Variants in RIPOR2 observed in about 807,000 individuals in gnomAD.
RIPOR2 encodes the protein RHO family interacting cell polarization regulator 2.
A neutral mutation model predicts 114.5 loss-of-function variants in RIPOR2; 39 were observed. That is an observed-to-expected ratio of 0.34 (90% CI 0.26 to 0.44). The LOEUF is 0.44. Among genes scored for constraint, RIPOR2 ranks in the 20% least tolerant of loss-of-function variants. The pLI is 1.00. For synonymous variants in RIPOR2, 445 were observed against 484.4 expected, an observed-to-expected ratio of 0.92 and a Z score of 1.07; for missense variants, 1,007 against 1,255.1, an observed-to-expected ratio of 0.80 and a Z score of 2.99.
chr6:24,838,574 C>T (rs983160462), intron 14 of RIPOR2, among the ~76,000 whole-genome samples: 2 of 152,028 alleles, frequency 1.3e-5, no homozygotes, highest in Non-Finnish European at 2.9e-5. Context: ...GGTGGATCAC[C>T]TGAGGTCAGG....
chr6:24,908,783 G>C (rs1452616554), intron 1 of RIPOR2, among the ~76,000 whole-genome samples: 1 of 152,140 alleles, frequency 6.6e-6, no homozygotes, highest in Non-Finnish European at 1.5e-5. Flanking sequence ...AACCTTGGGT[G>C]GGTCCCTTCT....
At chr6:24,837,157 C>CT (rs1370308075) in intron 14 of RIPOR2, among the ~76,000 whole-genome samples, 1 of 152,172 alleles carries the variant, frequency 6.6e-6, no homozygotes, top group African/African-American at 2.4e-5. Flanking sequence ...GAGTCTCGCA[C>CT]TGCCACCCAG....
At position 24,849,871 on chromosome 6, in the gene RIPOR2, C is replaced by A. The variant is rs745837159; in HGVS notation, c.965G>T (p.Arg322Leu). 1.2e-6 allele frequency: 2 copies of A among 1,613,766 alleles called. No homozygotes were observed. The highest frequency in any genetic ancestry group is 1.7e-5 in the Admixed American group (1 of 60,010). The change falls in exon 11 of 22, where the codon CGA (arginine) becomes CTA (leucine). Residue 322 changes from arginine to leucine, a missense_variant. Coordinates refer to ENST00000643898, the MANE Select transcript of RIPOR2 (RefSeq NM_001286445.3). Reference sequence around the variant, plus strand: ...GATGTCGACAGCCACTACCTGAGGTCGGGCTGCAAACAGCTCTTTGGTCTC... The same window carrying A: ...GATGTCGACAGCCACTACCTGAGGTAGGGCTGCAAACAGCTCTTTGGTCTC... The part of the protein sequence containing the change: ...TCETKELFAA[R>L]PQVVAVDIND...
intron 1 of RIPOR2, among the ~76,000 whole-genome samples, chr6:24,977,741 CT>C (rs1456614122): frequency 6.6e-6 from 1 of 152,114 alleles, no homozygotes. Flanking sequence ...AAACATCTGG[CT>C]CTTGAAATCC....
At position 24,973,008 on chromosome 6, in the gene RIPOR2, G is replaced by C. The variant is rs868134290; in HGVS notation, c.76+68843C>G. On this transcript the variant is annotated intron_variant, in intron 1 of 13. Transcript: ENST00000510784. ...TGCTGAGGGACATACGTGCATCCCA[G>C]CTCTTTTAATTATCTATGGCACAAA... Among the ~76,000 whole-genome samples the C allele has an allele frequency of 2.0e-5, 3 of 152,082 alleles. No homozygotes were observed. The South Asian group carries it at 6.2e-4, about 32-fold the overall frequency.
At chr6:24,975,118 C>T (rs1327151845) in intron 1 of RIPOR2, among the ~76,000 whole-genome samples, 2 of 152,166 alleles carry the variant, frequency 1.3e-5, no homozygotes, top group African/African-American at 4.8e-5. Context: ...TTGAATTATA[C>T]ACTTTAAATT....
intron 19 of RIPOR2, among the ~76,000 whole-genome samples, chr6:24,819,672 T>TTTTTTTTTTG (rs1759501191): frequency 6.9e-6 from 1 of 144,284 alleles, no homozygotes; most frequent in African/African-American, 2.5e-5. Flanking sequence ...ATTTTTTTTT[T>TTTTTTTTTTG]TTTTTTTTTT....
Position 24,955,698 on chromosome 6 carries a change from C to CAAA in RIPOR2, c.77-79884_77-79882dup, listed in dbSNP as rs34104173. 1.6e-4 allele frequency among the ~76,000 whole-genome samples: 21 copies of CAAA among 134,916 alleles called. No homozygotes were observed. In the East Asian group the frequency reaches 3.7e-3, roughly 24 times the overall value. The allele number at this position is 134,916 out of a possible 152,430, so 88.5% of individuals were successfully genotyped here. A position where few individuals can be genotyped will look rare whatever the true frequency, so the allele number is the denominator to read the frequency against. ...CCGTCTAAGGTCCATGCTGCTCCTT[C>CAAA]AAAAAAAAAAAAAAAAAAATTACAA... On this transcript the variant is annotated intron_variant, in intron 1 of 13. Coordinates refer to the RIPOR2 transcript ENST00000510784.
chr6:24,984,798 C>T (rs1419463592), intron 1 of RIPOR2, among the ~76,000 whole-genome samples: 1 of 152,162 alleles, frequency 6.6e-6, no homozygotes, highest in Non-Finnish European at 1.5e-5. Context: ...CAAGAACTGA[C>T]AGGACATGTT....
intron 19 of RIPOR2, among the ~76,000 whole-genome samples, chr6:24,821,821 A>G (rs1759726546): frequency 6.6e-6 from 1 of 152,232 alleles, no homozygotes; most frequent in Non-Finnish European, 1.5e-5. Context: ...CCAGAGGTGG[A>G]TATACACCAA....
chr6:25,018,407 T>C (rs560318766), intron 1 of RIPOR2, among the ~76,000 whole-genome samples: 11 of 152,370 alleles, frequency 7.2e-5, no homozygotes, highest in Non-Finnish European at 8.8e-5. Context: ...CATTGAATAC[T>C]ATTAGATTTC....
intron 1 of RIPOR2, among the ~76,000 whole-genome samples, chr6:24,881,420 G>C (rs948388800): frequency 4.6e-5 from 7 of 152,094 alleles, no homozygotes; most frequent in African/African-American, 1.7e-4. Flanking sequence ...GTCATACCAG[G>C]TTGCCACCCG....
chr6:24,973,957 A>G (rs555238061), intron 1 of RIPOR2, among the ~76,000 whole-genome samples: 3 of 152,198 alleles, frequency 2.0e-5, no homozygotes, highest in East Asian at 1.9e-4. Flanking sequence ...GACGGAGAGA[A>G]GGAGAGGGAT....
rs571478466 is a variant in RIPOR2 at position 25,008,826 on chromosome 6, C to T, written c.76+33025G>A. On this transcript the variant is annotated intron_variant, in intron 1 of 13. Transcript: ENST00000510784. ...ATGATGGCTCTGGAGGAGCCATTGG[C>T]ATTTGTGGGTCTCCTTCCATTCCCT... 9.6e-4 allele frequency among the ~76,000 whole-genome samples: 146 copies of T among 152,314 alleles called. 1 individual carries two copies. The highest frequency in any genetic ancestry group is 3.1e-3 in the African/African-American group (129 of 41,546).
At chr6:24,951,629 C>A (rs1343019313) in intron 1 of RIPOR2, among the ~76,000 whole-genome samples, 1 of 152,116 alleles carries the variant, frequency 6.6e-6, no homozygotes, top group Non-Finnish European at 1.5e-5. Context: ...TGTTTACATG[C>A]GCTAAAAGAA....
chr6:24,855,812 T>C (rs1763413097), intron 8 of RIPOR2, among the ~76,000 whole-genome samples: 1 of 152,096 alleles, frequency 6.6e-6, no homozygotes, highest in Non-Finnish European at 1.5e-5. Flanking sequence ...GGCAGTAGGA[T>C]CACTTGAGCC....
intron 1 of RIPOR2, among the ~76,000 whole-genome samples, chr6:24,891,549 T>C (rs919288788): frequency 6.6e-6 from 1 of 151,858 alleles, no homozygotes; most frequent in Non-Finnish European, 1.5e-5. Context: ...TATCTTTAAG[T>C]ACAATATAGC....
upstream of RIPOR2, among the ~76,000 whole-genome samples, chr6:24,939,449 C>T (rs368914732): frequency 1.3e-5 from 2 of 152,180 alleles, no homozygotes; most frequent in East Asian, 1.9e-4. Flanking sequence ...GACCATGAGG[C>T]TTAGTCACCC....
intron 20 of RIPOR2, among the ~76,000 whole-genome samples, chr6:24,811,400 ATTT>A (rs1169680457): frequency 7.8e-6 from 1 of 128,564 alleles, no homozygotes; most frequent in South Asian, 2.5e-4. Flanking sequence ...TGCCTGGCTA[ATTT>A]TTTTTGTATT....
Sources: allele counts gnomAD v4.1 joint callset (sites outside exome capture counted in the v4.1 genomes callset), GRCh38; gene constraint gnomAD v4.1.1; transcripts MANE v1.5; gene names NCBI Gene and HGNC (gene_info 2026-07-23, HGNC 2026-07-21).